Variants in ARHGAP42 observed in about 807,000 individuals in gnomAD.
ARHGAP42 encodes rho GTPase-activating protein 42.
A neutral mutation model predicts 125.0 loss-of-function variants in ARHGAP42; 63 were observed. That is an observed-to-expected ratio of 0.50 (90% confidence interval 0.41 to 0.62). ARHGAP42 has a LOEUF of 0.62. Among genes scored for constraint, ARHGAP42 ranks in the 20% least tolerant of loss-of-function variants. ARHGAP42 has a pLI of 0.00. For missense variants in ARHGAP42, 766 were observed against 1,024.2 expected (o/e 0.75, Z 3.44); for synonymous variants, 339 against 351.0 (o/e 0.97, Z 0.38).
At chr11:100,899,998 G>A (rs1025414994) in intron 4 of ARHGAP42, among the ~76,000 whole-genome samples, 2 of 152,236 alleles carry the variant, frequency 1.3e-5, no homozygotes, top group Non-Finnish European at 1.5e-5. Context: ...TTTCTTCATA[G>A]CATCGATGGT....
intron 4 of ARHGAP42, among the ~76,000 whole-genome samples, chr11:100,891,822 A>C (rs1486671601): frequency 6.6e-6 from 1 of 152,168 alleles, no homozygotes; most frequent in Non-Finnish European, 1.5e-5. Flanking sequence ...TTAGAGGTAC[A>C]CGTAGGTATG....
intron 10 of ARHGAP42, among the ~76,000 whole-genome samples, chr11:100,944,261 C>G (rs1444484035): frequency 2.6e-5 from 4 of 152,058 alleles, no homozygotes; most frequent in African/African-American, 9.7e-5. Flanking sequence ...GGTGGGAATA[C>G]TATAAGCTTC....
chr11:100,732,583 G>A (rs7946913), intron 1 of ARHGAP42, among the ~76,000 whole-genome samples: 68,418 of 151,956 alleles, frequency 0.45, 16,527 homozygotes, highest in African/African-American at 0.64. Flanking sequence ...CTGACTTCTC[G>A]GGTGGAGCCT....
At chr11:100,939,615 A>C (rs1867823792) in intron 8 of ARHGAP42, among the ~76,000 whole-genome samples, 1 of 152,174 alleles carries the variant, frequency 6.6e-6, no homozygotes, top group Non-Finnish European at 1.5e-5. Flanking sequence ...CCCCTTCCGC[A>C]CTGCAAATAT....
chr11:100,985,163 A>G (rs1353097553), intron 22 of ARHGAP42, among the ~76,000 whole-genome samples: 1 of 152,224 alleles, frequency 6.6e-6, no homozygotes, highest in African/African-American at 2.4e-5. Context: ...TATGTCTAAA[A>G]TATTAATTAC....
At chr11:100,787,788 T>G (rs1485578811) in intron 2 of ARHGAP42, among the ~76,000 whole-genome samples, 4 of 152,070 alleles carry the variant, frequency 2.6e-5, no homozygotes, top group African/African-American at 4.8e-5. Context: ...GGTAGTATGG[T>G]TAAAGGATAA....
intron 3 of ARHGAP42, among the ~76,000 whole-genome samples, chr11:100,837,379 A>C (rs1864814243): frequency 6.6e-6 from 1 of 152,066 alleles, no homozygotes; most frequent in South Asian, 2.1e-4. Flanking sequence ...TTTGGACATC[A>C]AAATCTGGAA....
chr11:100,931,723 G>A (rs77919453), intron 6 of ARHGAP42, among the ~76,000 whole-genome samples: 7,004 of 152,080 alleles, frequency 0.046, 311 homozygotes, highest in East Asian at 0.25. Context: ...TTTCAAAAAT[G>A]TTTTCTTTTC....
chr11:100,849,472 A>C (rs145495492), intron 3 of ARHGAP42, among the ~76,000 whole-genome samples: 1 of 152,214 alleles, frequency 6.6e-6, no homozygotes, highest in East Asian at 1.9e-4. Context: ...AAATCTTTGC[A>C]AAATAAATCA....
intron 3 of ARHGAP42, among the ~76,000 whole-genome samples, chr11:100,857,771 G>T (rs552628731): frequency 1.6e-4 from 24 of 151,904 alleles, no homozygotes; most frequent in South Asian, 4.2e-4. Flanking sequence ...GAGTCCCTTT[G>T]TGTCTTCCAT....
intron 1 of ARHGAP42, among the ~76,000 whole-genome samples, chr11:100,731,460 C>A (rs759548483): frequency 5.9e-4 from 89 of 152,074 alleles, no homozygotes; most frequent in Non-Finnish European, 1.0e-4. Flanking sequence ...TCATTATATT[C>A]TTTTAAAGGT....
intron 2 of ARHGAP42, among the ~76,000 whole-genome samples, chr11:100,781,307 G>A (rs896559636): frequency 2.0e-5 from 3 of 151,414 alleles, no homozygotes; most frequent in African/African-American, 4.8e-5. Flanking sequence ...CTGAATGATC[G>A]GAAAATGCTA....
intron 18 of ARHGAP42, 93 bp downstream of exon 18, chr11:100,973,427 TA>T (rs1266906494): frequency 7.8e-7 from 1 of 1,286,924 alleles, no homozygotes; most frequent in Admixed American, 2.6e-5. Context: ...GAGTTTTGTA[TA>T]AATTACTTCT....
At chr11:100,968,713 C>T in intron 17 of ARHGAP42, among the ~76,000 whole-genome samples, 1 of 151,956 alleles carries the variant, frequency 6.6e-6, no homozygotes, top group Non-Finnish European at 1.5e-5. Context: ...TTTGAGTTAC[C>T]ATCTGGTATT....
intron 1 of ARHGAP42, among the ~76,000 whole-genome samples, chr11:100,734,722 G>A (rs184186907): frequency 2.2e-4 from 34 of 152,308 alleles, no homozygotes; most frequent in African/African-American, 7.2e-4. Context: ...CCTGTTGGAA[G>A]AACAATCCCA....
chr11:100,705,616 G>T lies in ARHGAP42; in HGVS notation c.154+17784G>T, dbSNP rs564588631. ...CTGTAGCTAATGTTAAGACTAGAGAGAAATTAGACCAGAGTTATAAATAAC... is the reference window on the plus strand; with the variant it reads ...CTGTAGCTAATGTTAAGACTAGAGATAAATTAGACCAGAGTTATAAATAAC... On this transcript the variant is annotated intron_variant, in intron 1 of 23. Coordinates refer to ENST00000298815, the MANE Select transcript of ARHGAP42 (RefSeq NM_152432.4). Among the ~76,000 whole-genome samples the T allele has an allele frequency of 3.9e-5, 6 of 152,316 alleles. No homozygotes were observed. In the East Asian group the frequency reaches 1.2e-3, roughly 29 times the overall value.
At chr11:100,720,621 C>T (rs1861742514) in intron 1 of ARHGAP42, among the ~76,000 whole-genome samples, 1 of 151,866 alleles carries the variant, frequency 6.6e-6, no homozygotes, top group Non-Finnish European at 1.5e-5. Context: ...ACAAAAAACC[C>T]CAAGAACTTA....
intron 4 of ARHGAP42, among the ~76,000 whole-genome samples, chr11:100,899,217 T>C (rs188699665): frequency 3.1e-4 from 47 of 152,352 alleles, no homozygotes; most frequent in Admixed American, 9.1e-4. Flanking sequence ...CAGTTTGTTG[T>C]GATTTCTGTT....
At chr11:100,926,036 G>A (rs1336273042) in intron 6 of ARHGAP42, among the ~76,000 whole-genome samples, 1 of 152,160 alleles carries the variant, frequency 6.6e-6, no homozygotes, top group Non-Finnish European at 1.5e-5. Flanking sequence ...GAGTTGTGGA[G>A]GAGCCCAGGG....
Sources: allele counts gnomAD v4.1 joint callset (sites outside exome capture counted in the v4.1 genomes callset), GRCh38; gene constraint gnomAD v4.1.1; transcripts MANE v1.5; gene names NCBI Gene and HGNC (gene_info 2026-07-23, HGNC 2026-07-21).